Variants in ETF1 observed in about 807,000 individuals in gnomAD.
The protein encoded by ETF1 is eukaryotic peptide chain release factor subunit 1.
Under a neutral mutation model 55.1 loss-of-function variants are expected in ETF1, and 4 were observed. The observed-to-expected ratio is 0.07, with a 90% CI of 0.04 to 0.17. The LOEUF is 0.17. Among genes scored for constraint, ETF1 ranks in the 10% least tolerant of loss-of-function variants. ETF1 has a pLI of 1.00. For missense variants in ETF1, 142 were observed against 523.6 expected (o/e 0.27, Z 7.11); for synonymous variants, 157 against 182.3 (o/e 0.86, Z 1.12).
chr5:138,506,899 A>G lies in ETF1; in HGVS notation c.*1406T>C, dbSNP rs1051919238. On this transcript the variant is annotated 3_prime_UTR_variant, in exon 11 of 11. Coordinates refer to ENST00000360541, the MANE Select transcript of ETF1 (RefSeq NM_004730.4). ...CCAATTTGAAAACCAAATGCACCCC[A>G]CTACCCTAGTCAGTGTGGAGGTGAT... is the stretch of plus-strand genomic sequence containing the variant. The G allele has an allele frequency of 8.5e-5, 13 of 152,652 alleles. No homozygotes were observed. The highest frequency in any genetic ancestry group is 5.9e-5 in the Non-Finnish European group (4 of 68,052). 9.5% of individuals were successfully genotyped at this position (152,652 alleles called of 1,614,324 possible).
intron 2 of ETF1, chr5:138,541,477 C>T (rs1008871828): frequency 2.9e-6 from 4 of 1,379,494 alleles, no homozygotes; most frequent in Non-Finnish European, 4.0e-6. Context: ...CCAAACAGAA[C>T]TGTCCCTAAT....
intron 10 of ETF1, 68 bp downstream of exon 10, chr5:138,508,601 G>A: frequency 6.3e-7 from 1 of 1,598,074 alleles, no homozygotes; most frequent in South Asian, 1.1e-5. Context: ...AGCAGGGCTA[G>A]GGCTAGCCAG....
rs1348654135 is a variant in ETF1, at chr5:138,506,956, A to C, written c.*1349T>G. ...TGACTTTTAAAACCTTTGGTCCTTC[A>C]AAGTCCATTTGGTATACTTTTTTCC... On this transcript the variant is annotated 3_prime_UTR_variant, in exon 11 of 11. Coordinates refer to ENST00000360541, the MANE Select transcript of ETF1 (RefSeq NM_004730.4). 2 of 152,550 alleles carry C rather than the reference A, an allele frequency of 1.3e-5. No homozygotes were observed. Among genetic ancestry groups the C allele is most frequent in the Non-Finnish European group, 2.9e-5 (2 of 68,040 alleles). 9.4% of individuals were successfully genotyped at this position (152,550 alleles called of 1,614,324 possible). A position where few individuals can be genotyped will look rare whatever the true frequency, so the allele number is the denominator to read the frequency against.
intron 2 of ETF1, chr5:138,541,569 G>A (rs943478262): frequency 6.5e-7 from 1 of 1,535,094 alleles, no homozygotes; most frequent in Admixed American, 2.0e-5. Context: ...TCATATAACA[G>A]TAATAATGAA....
intron 2 of ETF1, among the ~76,000 whole-genome samples, chr5:138,537,085 C>T (rs1038824839): frequency 1.3e-5 from 2 of 152,228 alleles, no homozygotes; most frequent in Non-Finnish European, 2.9e-5. Context: ...GTGCATAGAA[C>T]ACCATGCCAG....
intron 2 of ETF1, among the ~76,000 whole-genome samples, chr5:138,531,425 A>G (rs1015687673): frequency 2.6e-5 from 4 of 152,134 alleles, no homozygotes. Flanking sequence ...CCCAAAACCT[A>G]AGACAACCTA....
intron 2 of ETF1, chr5:138,529,521 T>C: frequency 1.2e-6 from 1 of 823,960 alleles, no homozygotes; most frequent in Non-Finnish European, 1.5e-6. Flanking sequence ...CACATGCAGG[T>C]TGTAAAAACT....
intron 4 of ETF1, chr5:138,514,011 C>T: frequency 7.1e-6 from 5 of 705,434 alleles, no homozygotes; most frequent in Non-Finnish European, 8.7e-6. Context: ...ATATTACATA[C>T]AGCAGTTAAT....
intron 2 of ETF1, among the ~76,000 whole-genome samples, chr5:138,526,810 T>C (rs1280873581): frequency 1.3e-5 from 2 of 151,586 alleles, no homozygotes; most frequent in East Asian, 3.9e-4. Context: ...AAGCAATTCT[T>C]CTGCCTCAGC....
At chr5:138,513,109 T>C in intron 5 of ETF1, 155 bp from the exon 6 acceptor site, 1 of 985,458 alleles carries the variant, frequency 1.0e-6, no homozygotes, top group Non-Finnish European at 1.2e-6. Flanking sequence ...TGCTACTTGT[T>C]TTCAGAGAGC....
In ETF1 at chr5:138,543,109, T is replaced by C; in HGVS notation, c.-31A>G. On this transcript the variant is annotated 5_prime_UTR_variant, in exon 1 of 11. Coordinates refer to ENST00000360541, the MANE Select transcript of ETF1 (RefSeq NM_004730.4). ...CCCTGTGCCTTACCTAAGGGCCCAG[T>C]CCTGGGCGGCAGCGGCTGCTCCTCC... The C allele has an allele frequency of 1.6e-6, 1 of 620,594 alleles. No individual in the cohort carries two copies. Among genetic ancestry groups the C allele is most frequent in the Non-Finnish European group, 2.7e-6 (1 of 364,040 alleles). The allele number at this position is 620,594 out of a possible 1,614,324, so 38.4% of individuals were successfully genotyped here.
chr5:138,513,417 G>A, intron 5 of ETF1, 151 bp downstream of exon 5: 1 of 768,412 alleles, frequency 1.3e-6, no homozygotes, highest in Non-Finnish European at 2.1e-6. Flanking sequence ...ACAGGGCCGG[G>A]CTGGTCTCGA....
At chr5:138,532,726 C>A (rs1202580577) in intron 2 of ETF1, among the ~76,000 whole-genome samples, 1 of 152,066 alleles carries the variant, frequency 6.6e-6, no homozygotes, top group Non-Finnish European at 1.5e-5. Context: ...AAGAGCTATA[C>A]CAAAAATAAT....
intron 2 of ETF1, among the ~76,000 whole-genome samples, chr5:138,520,505 T>C (rs1195436789): frequency 6.6e-6 from 1 of 152,156 alleles, no homozygotes; most frequent in Non-Finnish European, 1.5e-5. Context: ...AGTCAAGAAA[T>C]ATCTCATCGG....
intron 2 of ETF1, among the ~76,000 whole-genome samples, chr5:138,531,019 G>C (rs1220657952): frequency 6.6e-6 from 1 of 152,172 alleles, no homozygotes; most frequent in Non-Finnish European, 1.5e-5. Context: ...GTTGCTTGCT[G>C]CATTTACCCT....
At chr5:138,517,937 C>T (rs1277627818) in intron 3 of ETF1, 1 of 972,664 alleles carries the variant, frequency 1.0e-6, no homozygotes, top group African/African-American at 1.8e-5. Context: ...GGTGGTGGCT[C>T]ACGCCTGTAA....
intron 2 of ETF1, among the ~76,000 whole-genome samples, chr5:138,536,140 T>G (rs950371939): frequency 2.6e-5 from 4 of 152,224 alleles, no homozygotes; most frequent in African/African-American, 9.6e-5. Flanking sequence ...CATATTCATA[T>G]ACCCAGATGT....
intron 4 of ETF1, among the ~76,000 whole-genome samples, 195 bp downstream of exon 4, chr5:138,517,366 G>A (rs1243688615): frequency 6.7e-6 from 1 of 150,298 alleles, no homozygotes; most frequent in South Asian, 2.1e-4. Context: ...GCGAGACTCC[G>A]TCTAAAAAAA....
At chr5:138,509,103 A>G (rs748063238) in intron 9 of ETF1, 15 of 984,892 alleles carry the variant, frequency 1.5e-5, no homozygotes, top group Non-Finnish European at 1.7e-5. Flanking sequence ...TGTTGACTCT[A>G]GAAGTCAGGC....
Sources: gnomAD v4.1 joint callset for allele counts (sites outside exome capture counted in the v4.1 genomes callset) on GRCh38, gnomAD v4.1.1 for gene constraint, MANE v1.5 for transcripts, NCBI Gene and HGNC (gene_info 2026-07-23, HGNC 2026-07-21) for gene names.